Variants in TMEM51 observed in about 807,000 individuals in gnomAD.
TMEM51 encodes the protein transmembrane protein 51, also known as chromosome 1 open reading frame 72.
A neutral mutation model predicts 13.6 loss-of-function variants in TMEM51; 8 were observed. The ratio of observed to expected loss-of-function variants is 0.59; its 90% CI spans 0.35 to 1.07. The LOEUF is 1.07. Ranked by LOEUF, TMEM51 falls within the 50% of genes least tolerant of loss-of-function variation. The pLI is 0.02. For missense variants in TMEM51, 279 were observed against 330.7 expected, an observed-to-expected ratio of 0.84 and a Z score of 1.21; for synonymous variants, 147 against 144.4, an observed-to-expected ratio of 1.02 and a Z score of -0.13.
In TMEM51 at chr1:15,219,458, G is replaced by A. The variant is rs142174237; in HGVS notation, c.477G>A (p.Pro159=). 319 of 1,614,106 alleles carry A rather than the reference G, an allele frequency of 2.0e-4. No homozygotes were observed. In the African/African-American group the frequency reaches 2.0e-3, roughly 10 times the overall value. Residue 159 remains proline, a synonymous_variant, in exon 4 of 4, where the codon CCG becomes CCA. Coordinates refer to ENST00000376008, the MANE Select transcript of TMEM51 (RefSeq NM_001136218.2). ...EQNPRLSISL[P]SYESLTGLDE... ...ACCCGAGGTTGAGCATCTCTCTCCC[G>A]TCCTATGAGTCACTGACGGGGCTCG... is the stretch of plus-strand genomic sequence containing the variant.
At chr1:15,189,213 CTTTTT>C (rs59346950) in intron 1 of TMEM51, among the ~76,000 whole-genome samples, 3 of 92,850 alleles carry the variant, frequency 3.2e-5, no homozygotes, top group Admixed American at 1.2e-4. Flanking sequence ...CTAATTTTTC[CTTTTT>C]TTTTTTTTTT....
rs1289978215 is a variant in TMEM51, at chr1:15,207,360, C to G, written c.-266-3130C>G. Among the ~76,000 whole-genome samples, 1 of 152,244 alleles carries G rather than the reference C, an allele frequency of 6.6e-6. No individual in the cohort carries two copies. Among genetic ancestry groups the G allele is most frequent in the South Asian group, 2.1e-4 (1 of 4,834 alleles). ...CCGATTCCCAGTTTCTAAACTGTGT[C>G]CTGGAGAGTTTCTGCAATTCAGCGA... On this transcript the variant is annotated intron_variant, in intron 1 of 3. Coordinates refer to ENST00000376008, the MANE Select transcript of TMEM51 (RefSeq NM_001136218.2). The surrounding 1 kb of genome is among the most constrained non-coding windows in gnomAD (Gnocchi z 4.6).
chr1:15,218,757 C>CT lies in TMEM51; in HGVS notation c.345-569_345-568insT, dbSNP rs143898305. Among the ~76,000 whole-genome samples the CT allele has an allele frequency of 4.2e-3, 638 of 152,256 alleles. 4 individuals carry two copies. Among genetic ancestry groups the CT allele is most frequent in the African/African-American group, 0.012 (509 of 41,526 alleles). Reference sequence around the variant, plus strand: ...TGACAGTTTACAATTGCCATGACAACGACCTGGCAGTTACCATCCCTTTCC... The same window carrying CT: ...TGACAGTTTACAATTGCCATGACAACTGACCTGGCAGTTACCATCCCTTTCC... On this transcript the variant is annotated intron_variant, in intron 3 of 3. Coordinates refer to ENST00000376008, the MANE Select transcript of TMEM51 (RefSeq NM_001136218.2).
chr1:15,187,741 C>T lies in TMEM51; in HGVS notation c.-266-22749C>T, dbSNP rs536559838. Among the ~76,000 whole-genome samples the T allele has an allele frequency of 2.6e-5, 4 of 152,310 alleles. No homozygotes were observed. The East Asian group carries it at 7.7e-4, about 29-fold the overall frequency. On this transcript the variant is annotated intron_variant, in intron 1 of 3. Transcript: ENST00000376008. Reference sequence around the variant, plus strand: ...AGGGCAGTGGCCTAGGAGACATTTTCCAACTTGCAGCCCCGGGACTCTGTC... The same window carrying T: ...AGGGCAGTGGCCTAGGAGACATTTTTCAACTTGCAGCCCCGGGACTCTGTC...
intron 3 of TMEM51, among the ~76,000 whole-genome samples, chr1:15,215,781 CTT>C (rs1350611382): frequency 1.3e-5 from 2 of 152,192 alleles, no homozygotes; most frequent in African/African-American, 2.4e-5. Flanking sequence ...AATTCCAGAA[CTT>C]TGGGAGGCCG....
At chr1:15,180,205 A>T (rs1217398859) in intron 1 of TMEM51, among the ~76,000 whole-genome samples, 2 of 149,478 alleles carry the variant, frequency 1.3e-5, no homozygotes, top group Non-Finnish European at 2.9e-5. Context: ...GAGTCTTTGC[A>T]GTTGTTGAGC....
intron 2 of TMEM51, among the ~76,000 whole-genome samples, chr1:15,212,751 G>C (rs1644361412): frequency 6.6e-6 from 1 of 152,204 alleles, no homozygotes; most frequent in African/African-American, 2.4e-5. Flanking sequence ...TCTGCAGTGG[G>C]ATCCCTGTTC....
intron 1 of TMEM51, among the ~76,000 whole-genome samples, chr1:15,187,784 G>T (rs1458318016): frequency 6.6e-6 from 1 of 152,086 alleles, no homozygotes; most frequent in African/African-American, 2.4e-5. Context: ...CCTCACTGCT[G>T]GGGCCACAGC....
intron 1 of TMEM51, among the ~76,000 whole-genome samples, chr1:15,188,945 C>T (rs890566731): frequency 2.0e-5 from 3 of 152,200 alleles, no homozygotes; most frequent in Non-Finnish European, 2.9e-5. Context: ...CAGCTTTGCT[C>T]CTGCCTCTCC....
intron 1 of TMEM51, among the ~76,000 whole-genome samples, chr1:15,198,760 C>T (rs1036986900): frequency 7.2e-5 from 11 of 152,170 alleles, no homozygotes; most frequent in Non-Finnish European, 1.3e-4. Context: ...ATGAAAACAT[C>T]AGACCAGTGA....
intron 1 of TMEM51, among the ~76,000 whole-genome samples, chr1:15,176,697 G>A (rs914837964): frequency 1.3e-5 from 2 of 152,216 alleles, no homozygotes; most frequent in African/African-American, 4.8e-5. Context: ...TGCACAAAGT[G>A]CATGGTCAAG....
At chr1:15,170,123 T>G (rs1328960120) in intron 1 of TMEM51, among the ~76,000 whole-genome samples, 2 of 152,212 alleles carry the variant, frequency 1.3e-5, no homozygotes, top group Non-Finnish European at 2.9e-5. Flanking sequence ...CAGTACATGC[T>G]CAATACATTT....
At chr1:15,212,841 G>A (rs1280892620) in intron 2 of TMEM51, among the ~76,000 whole-genome samples, 6 of 152,302 alleles carry the variant, frequency 3.9e-5, no homozygotes, top group Admixed American at 2.6e-4. Context: ...ATAGGTGCTC[G>A]CACGCATGCA....
At chr1:15,183,617 A>T (rs181220168) in intron 1 of TMEM51, among the ~76,000 whole-genome samples, 1 of 152,320 alleles carries the variant, frequency 6.6e-6, no homozygotes, top group Admixed American at 6.5e-5. Flanking sequence ...TATTCCTTCC[A>T]ATACTATTTT....
At chr1:15,210,770 C>G (rs1480693408) in intron 2 of TMEM51, among the ~76,000 whole-genome samples, 2 of 152,162 alleles carry the variant, frequency 1.3e-5, no homozygotes, top group Non-Finnish European at 2.9e-5. Flanking sequence ...GGTCCAAATC[C>G]TCTAAGCATA....
At chr1:15,192,464 T>TTTTTTTTG (rs1643947397) in intron 1 of TMEM51, 1 of 265,656 alleles carries the variant, frequency 3.8e-6, no homozygotes, top group Non-Finnish European at 7.1e-6. Flanking sequence ...TCTTTTCCTT[T>TTTTTTTTG]TTTTTTATGA....
At chr1:15,215,496 G>A in intron 3 of TMEM51, 65 bp downstream of exon 3, 1 of 1,389,602 alleles carries the variant, frequency 7.2e-7, no homozygotes, top group South Asian at 1.4e-5. Context: ...GCACACACAT[G>A]TTCACACCTT....
chr1:15,179,423 A>G (rs1208283549), intron 1 of TMEM51, among the ~76,000 whole-genome samples: 1 of 152,188 alleles, frequency 6.6e-6, no homozygotes, highest in Non-Finnish European at 1.5e-5. Context: ...AGGAAACGGG[A>G]TACAGGCCAC....
chr1:15,171,365 G>C (rs565362057), intron 1 of TMEM51: 79 of 1,263,188 alleles, frequency 6.3e-5, no homozygotes, highest in African/African-American at 4.6e-4. Context: ...GCATTCATAG[G>C]GGGGGCGGCA....
Sources: gnomAD v4.1 joint callset for allele counts (sites outside exome capture counted in the v4.1 genomes callset) on GRCh38, gnomAD v4.1.1 for gene constraint, Gnocchi (gnomAD v3.1) non-coding constraint, MANE v1.5 for transcripts, NCBI Gene and HGNC (gene_info 2026-07-23, HGNC 2026-07-21) for gene names.